USH2A: variants seen among roughly 807,000 people sequenced by gnomAD.
The protein encoded by USH2A is usherin, also known as Usher syndrome 2A (autosomal recessive, mild).
Under a neutral mutation model 538.9 loss-of-function variants are expected in USH2A, and 443 were observed. That is an observed-to-expected ratio of 0.82 (90% CI 0.76 to 0.89). The LOEUF (loss-of-function observed/expected upper bound fraction) is 0.89. Ranked by LOEUF, USH2A falls within the 40% of genes least tolerant of loss-of-function variation. The pLI, the probability that USH2A is intolerant of heterozygous loss-of-function variation, is 0.00. For synonymous variants in USH2A, 2,413 were observed against 2,273.5 expected, an observed-to-expected ratio of 1.06 and a Z score of -1.75; for missense variants, 6,633 against 6,324.8, an observed-to-expected ratio of 1.05 and a Z score of -1.65.
chr1:215,790,557 T>C (rs981616950), intron 50 of USH2A, among the ~76,000 whole-genome samples: 4 of 152,188 alleles, frequency 2.6e-5, no homozygotes, highest in Admixed American at 6.5e-5. Context: ...TAAAAAGAGA[T>C]AGGATTTCTG....
intron 4 of USH2A, among the ~76,000 whole-genome samples, chr1:216,331,879 T>G (rs530432227): frequency 4.9e-4 from 75 of 152,280 alleles, no homozygotes; most frequent in African/African-American, 1.7e-3. Flanking sequence ...TGGAAGAGTC[T>G]GTCTTCCATA....
intron 4 of USH2A, among the ~76,000 whole-genome samples, chr1:216,343,919 A>G (rs1488707306): frequency 1.3e-5 from 2 of 152,086 alleles, no homozygotes; most frequent in East Asian, 1.9e-4. Flanking sequence ...TTTTATTATC[A>G]TTGTTAAGAT....
chr1:216,382,247 G>C (rs1054517763), intron 3 of USH2A, among the ~76,000 whole-genome samples: 2 of 152,202 alleles, frequency 1.3e-5, no homozygotes, highest in Non-Finnish European at 2.9e-5. Flanking sequence ...GAAAGGATGA[G>C]TGCATGTCTA....
intron 32 of USH2A, among the ~76,000 whole-genome samples, chr1:216,033,868 G>A (rs1669183673): frequency 6.6e-6 from 1 of 152,144 alleles, no homozygotes; most frequent in Non-Finnish European, 1.5e-5. Context: ...AAGTTTGGAT[G>A]TGAAGGATGA....
At chr1:216,023,127 G>A (rs1403651478) in intron 32 of USH2A, among the ~76,000 whole-genome samples, 1 of 152,030 alleles carries the variant, frequency 6.6e-6, no homozygotes, top group African/African-American at 2.4e-5. Flanking sequence ...AGACTTATTT[G>A]TACATTCAGA....
At position 216,000,048 on chromosome 1, in the gene USH2A, A is replaced by G. The variant is rs562529017; in HGVS notation, c.6485+355T>C. On this transcript the variant is annotated intron_variant, in intron 33 of 71. Coordinates refer to ENST00000307340, the MANE Select transcript of USH2A (RefSeq NM_206933.4). ...TGACATCAACTGCAGGTAATAAGGGAATAAGAAGGTCCTGGACTATACTCA... is the reference window on the plus strand; with the variant it reads ...TGACATCAACTGCAGGTAATAAGGGGATAAGAAGGTCCTGGACTATACTCA... Among the ~76,000 whole-genome samples, 237 of 152,296 alleles carry G rather than the reference A, an allele frequency of 1.6e-3. 1 individual carries two copies. Among genetic ancestry groups the G allele is most frequent in the African/African-American group, 5.6e-3 (233 of 41,568 alleles).
At chr1:215,946,821 C>T (rs1234255032) in intron 37 of USH2A, among the ~76,000 whole-genome samples, 2 of 152,152 alleles carry the variant, frequency 1.3e-5, no homozygotes, top group African/African-American at 4.8e-5. Context: ...ACATTTGAAA[C>T]AATTTGGTAT....
At chr1:215,898,015 C>T (rs964487398) in intron 40 of USH2A, among the ~76,000 whole-genome samples, 2 of 152,172 alleles carry the variant, frequency 1.3e-5, no homozygotes, top group Non-Finnish European at 2.9e-5. Context: ...AGATGGCATC[C>T]ATCTCCACTG....
chr1:216,232,223 G>A, intron 13 of USH2A, 87 bp from the exon 14 acceptor site: 1 of 1,411,654 alleles, frequency 7.1e-7, no homozygotes, highest in South Asian at 1.3e-5. Flanking sequence ...CAGAAAAACA[G>A]AATACTCTAC....
intron 37 of USH2A, among the ~76,000 whole-genome samples, chr1:215,941,576 A>G (rs945282247): frequency 6.6e-6 from 1 of 152,122 alleles, no homozygotes; most frequent in Non-Finnish European, 1.5e-5. Flanking sequence ...CACACTAAAC[A>G]CTGGACATGA....
At chr1:216,111,681 A>G (rs2032873562) in intron 21 of USH2A, among the ~76,000 whole-genome samples, 1 of 151,430 alleles carries the variant, frequency 6.6e-6, no homozygotes, top group South Asian at 2.1e-4. Flanking sequence ...ATGCCAATAC[A>G]ATACTCAAAA....
In USH2A at chr1:216,246,809, T is replaced by C. The variant is rs758936564; in HGVS notation, c.2585A>G (p.Asn862Ser). ...GCAAGGACATTGTCCTGTTGATTTG[T>C]TACACAGCAGAGAGCCATTTATTGT... ...TGTINGSLLCNKSTGQCPCKL... is the reference protein window; with the variant it reads ...TGTINGSLLCSKSTGQCPCKL... Residue 862 changes from asparagine to serine, a missense_variant, in exon 13 of 72, where the codon AAC (asparagine) becomes AGC (serine). Coordinates refer to ENST00000307340, the MANE Select transcript of USH2A (RefSeq NM_206933.4). 6.2e-7 allele frequency: 1 copy of C among 1,614,174 alleles called. No homozygotes were observed. The highest frequency in any genetic ancestry group is 1.7e-5 in the Admixed American group (1 of 60,020).
At chr1:215,805,462 A>G (rs935556508) in intron 49 of USH2A, among the ~76,000 whole-genome samples, 1 of 152,066 alleles carries the variant, frequency 6.6e-6, no homozygotes, top group Non-Finnish European at 1.5e-5. Context: ...CTTAATGGAA[A>G]CAGAGTCTGA....
At chr1:216,267,326 A>G (rs2036492577) in intron 11 of USH2A, among the ~76,000 whole-genome samples, 1 of 152,098 alleles carries the variant, frequency 6.6e-6, no homozygotes, top group Non-Finnish European at 1.5e-5. Context: ...CAAAGTAATG[A>G]TGAGAGTGAA....
intron 38 of USH2A, among the ~76,000 whole-genome samples, chr1:215,929,337 A>T (rs191599989): frequency 9.5e-4 from 144 of 152,236 alleles, no homozygotes; most frequent in Non-Finnish European, 1.6e-3. Context: ...TCTGGAGGTC[A>T]TGGAGGAGGA....
chr1:216,138,580 T>C (rs2033533170), intron 21 of USH2A, among the ~76,000 whole-genome samples: 1 of 152,190 alleles, frequency 6.6e-6, no homozygotes, highest in Non-Finnish European at 1.5e-5. Context: ...AAGTCCTCTT[T>C]TTTGGCTCAT....
At chr1:216,309,475 GTTTA>G (rs1352597317) in intron 9 of USH2A, among the ~76,000 whole-genome samples, 1 of 151,984 alleles carries the variant, frequency 6.6e-6, no homozygotes, top group Non-Finnish European at 1.5e-5. Context: ...TGTTGTGATT[GTTTA>G]TTTATTTGGA....
intron 40 of USH2A, among the ~76,000 whole-genome samples, chr1:215,899,391 T>A (rs1665433617): frequency 6.6e-6 from 1 of 152,228 alleles, no homozygotes; most frequent in Non-Finnish European, 1.5e-5. Context: ...TTTCTAACTT[T>A]TCTTTAAAAA....
intron 3 of USH2A, among the ~76,000 whole-genome samples, chr1:216,387,862 A>G (rs1044269669): frequency 6.6e-6 from 1 of 152,022 alleles, no homozygotes; most frequent in Non-Finnish European, 1.5e-5. Context: ...CCCCATTATT[A>G]CACTGTCTGA....
Sources: allele counts gnomAD v4.1 joint callset (sites outside exome capture counted in the v4.1 genomes callset), GRCh38; gene constraint gnomAD v4.1.1; transcripts MANE v1.5; gene names NCBI Gene and HGNC (gene_info 2026-07-23, HGNC 2026-07-21).